Variants in AOAH observed in about 807,000 individuals in gnomAD.
AOAH encodes the protein acyloxyacyl hydrolase (neutrophil).
In AOAH, 64 loss-of-function variants were observed where a neutral mutation model predicts 92.2. That is an observed-to-expected ratio of 0.69 (90% CI 0.57 to 0.86). The LOEUF (loss-of-function observed/expected upper bound fraction) is 0.86, where lower values mean the gene tolerates loss of function less well. AOAH is among the 40% of genes least tolerant of loss of function. The pLI, the probability that AOAH is intolerant of heterozygous loss-of-function variation, is 0.00. For missense variants in AOAH, 656 were observed against 694.6 expected (o/e 0.94, Z 0.62); for synonymous variants, 263 against 254.5 (o/e 1.03, Z -0.32).
chr7:36,581,673 G>T (rs1264331114), intron 12 of AOAH, among the ~76,000 whole-genome samples: 2 of 152,030 alleles, frequency 1.3e-5, no homozygotes, highest in African/African-American at 4.8e-5. Context: ...ATATTGTTTT[G>T]CTCATGTCCT....
At chr7:36,565,562 T>A (rs1486275300) in intron 13 of AOAH, among the ~76,000 whole-genome samples, 1 of 151,638 alleles carries the variant, frequency 6.6e-6, no homozygotes, top group African/African-American at 2.4e-5. Flanking sequence ...AGACAGGGTC[T>A]CACTTTGTGG....
chr7:36,693,314 A>C (rs568856463), intron 1 of AOAH, among the ~76,000 whole-genome samples: 17 of 152,342 alleles, frequency 1.1e-4, no homozygotes, highest in African/African-American at 4.1e-4. Flanking sequence ...ATTACAGTGG[A>C]ACTGTTACAG....
At chr7:36,624,528 C>G (rs755118338) in intron 6 of AOAH, among the ~76,000 whole-genome samples, 2 of 152,220 alleles carry the variant, frequency 1.3e-5, no homozygotes, top group Non-Finnish European at 1.5e-5. Flanking sequence ...TATGGCTCTA[C>G]AGCCTGTATT....
rs139809882 is a variant in AOAH at position 36,679,854 on chromosome 7, C to T, written c.224-5845G>A. 5.5e-3 allele frequency among the ~76,000 whole-genome samples: 834 copies of T among 152,110 alleles called. 9 individuals are homozygous for T. The highest frequency in any genetic ancestry group is 0.019 in the African/African-American group (791 of 41,520). On this transcript the variant is annotated intron_variant, in intron 2 of 20. Coordinates refer to ENST00000617537, the MANE Select transcript of AOAH (RefSeq NM_001637.4). ...TGTATTTTTAGTAGAGATGGGGTTT[C>T]ACCACGTTGGCCAGGATGGTCGTGA...
chr7:36,594,246 T>C, intron 12 of AOAH, 93 bp downstream of exon 12: 1 of 967,764 alleles, frequency 1.0e-6, no homozygotes, highest in Non-Finnish European at 1.7e-6. Context: ...TTCCTAATAA[T>C]TCGCATTTCA....
intron 2 of AOAH, among the ~76,000 whole-genome samples, 177 bp downstream of exon 2, chr7:36,686,522 G>T (rs1436087855): frequency 6.9e-6 from 1 of 145,018 alleles, no homozygotes; most frequent in East Asian, 2.0e-4. Context: ...GGGAGAAGTT[G>T]CCCAGAGCAT....
At chr7:36,553,620 C>G in intron 13 of AOAH, among the ~76,000 whole-genome samples, 1 of 152,042 alleles carries the variant, frequency 6.6e-6, no homozygotes, top group Non-Finnish European at 1.5e-5. Flanking sequence ...AAAAGTGTTC[C>G]TATTTCTCCA....
rs1444499463 is a variant in AOAH, at chr7:36,715,631, A to G, written c.127+8391T>C. ...GGTACTGGTACCAAAACAGAGATAT[A>G]GACCAACGGAACGGAACAGAGCCCT... is the stretch of plus-strand genomic sequence containing the variant. On this transcript the variant is annotated intron_variant, in intron 1 of 20. Coordinates refer to ENST00000617537, the MANE Select transcript of AOAH (RefSeq NM_001637.4). Among the ~76,000 whole-genome samples, 40 of 149,118 alleles carry G rather than the reference A, an allele frequency of 2.7e-4. No individual in the cohort carries two copies. In the East Asian group the frequency reaches 7.5e-3, roughly 28 times the overall value.
At chr7:36,561,199 G>T (rs1268212828) in intron 13 of AOAH, among the ~76,000 whole-genome samples, 1 of 151,954 alleles carries the variant, frequency 6.6e-6, no homozygotes, top group Non-Finnish European at 1.5e-5. Context: ...CCACCAGCAT[G>T]CCCAGCTAAT....
intron 4 of AOAH, among the ~76,000 whole-genome samples, chr7:36,642,260 G>C (rs894712608): frequency 6.6e-6 from 1 of 151,970 alleles, no homozygotes; most frequent in African/African-American, 2.4e-5. Flanking sequence ...ATTGGAGTAG[G>C]GTGGGCTGCT....
At chr7:36,562,958 C>T (rs1198317147) in intron 13 of AOAH, among the ~76,000 whole-genome samples, 1 of 151,720 alleles carries the variant, frequency 6.6e-6, no homozygotes, top group Non-Finnish European at 1.5e-5. Flanking sequence ...ACCAACCTGG[C>T]CAACATGGTG....
chr7:36,651,276 TA>T (rs1423468649), intron 4 of AOAH, among the ~76,000 whole-genome samples: 1 of 152,240 alleles, frequency 6.6e-6, no homozygotes, highest in African/African-American at 2.4e-5. Flanking sequence ...TTATTCTACA[TA>T]AATATTTGTT....
intron 1 of AOAH, among the ~76,000 whole-genome samples, chr7:36,688,417 T>C (rs562747141): frequency 2.0e-5 from 3 of 152,298 alleles, no homozygotes; most frequent in Admixed American, 2.0e-4. Flanking sequence ...TAAATATTTT[T>C]GGCATTAATA....
At chr7:36,716,415 C>A (rs1261031786) in intron 1 of AOAH, among the ~76,000 whole-genome samples, 1 of 149,774 alleles carries the variant, frequency 6.7e-6, no homozygotes, top group Non-Finnish European at 1.5e-5. Flanking sequence ...ATCAGCGTGG[C>A]GATTCCTCAG....
intron 1 of AOAH, among the ~76,000 whole-genome samples, chr7:36,695,886 C>A (rs1043173473): frequency 2.6e-5 from 4 of 152,098 alleles, no homozygotes; most frequent in African/African-American, 9.7e-5. Context: ...CGGAGATTTC[C>A]TTTTAGAAGT....
intron 12 of AOAH, among the ~76,000 whole-genome samples, chr7:36,579,240 G>A (rs1788744376): frequency 6.6e-6 from 1 of 151,998 alleles, no homozygotes; most frequent in African/African-American, 2.4e-5. Context: ...CACATCATGT[G>A]AGTGAAGCCA....
At chr7:36,684,292 T>C (rs768105158) in intron 2 of AOAH, among the ~76,000 whole-genome samples, 1 of 152,138 alleles carries the variant, frequency 6.6e-6, no homozygotes, top group Non-Finnish European at 1.5e-5. Flanking sequence ...GGATAATAAT[T>C]GCACTTGACT....
chr7:36,678,598 TGTGC>T (rs1220167479), intron 2 of AOAH, among the ~76,000 whole-genome samples: 39 of 127,396 alleles, frequency 3.1e-4, no homozygotes, highest in African/African-American at 6.4e-4. Context: ...TGTGTGTGTG[TGTGC>T]GCGCGCGCGC....
At chr7:36,710,247 A>G (rs888378922) in intron 1 of AOAH, among the ~76,000 whole-genome samples, 3 of 152,180 alleles carry the variant, frequency 2.0e-5, no homozygotes, top group Non-Finnish European at 4.4e-5. Context: ...TTTTGGGGTA[A>G]TCAAGATTTT....
Sources: allele counts gnomAD v4.1 joint callset (sites outside exome capture counted in the v4.1 genomes callset), GRCh38; gene constraint gnomAD v4.1.1; transcripts MANE v1.5; gene names NCBI Gene and HGNC (gene_info 2026-07-23, HGNC 2026-07-21).